Variants in PPM1F observed in about 807,000 individuals in gnomAD.
The protein encoded by PPM1F is protein phosphatase, Mg2+/Mn2+ dependent 1F, also known as protein phosphatase 1F.
A neutral mutation model predicts 35.5 loss-of-function variants in PPM1F; 17 were observed. The ratio of observed to expected loss-of-function variants is 0.48; its 90% CI spans 0.33 to 0.72. The LOEUF (loss-of-function observed/expected upper bound fraction) is 0.72. PPM1F is among the 30% of genes least tolerant of loss of function. The pLI is 0.02. For missense variants in PPM1F, 521 were observed against 613.0 expected (o/e 0.85, Z 1.59); for synonymous variants, 241 against 255.5 (o/e 0.94, Z 0.54).
At chr22:21,929,877 A>G (rs940442480) in intron 6 of PPM1F, among the ~76,000 whole-genome samples, 1 of 152,142 alleles carries the variant, frequency 6.6e-6, no homozygotes, top group Non-Finnish European at 1.5e-5. Flanking sequence ...TGGTGTCTCT[A>G]TGTGCTTTCC....
At chr22:21,938,539 C>T (rs1190766683) in intron 3 of PPM1F, 1 of 1,071,298 alleles carries the variant, frequency 9.3e-7, no homozygotes, top group African/African-American at 1.7e-5. Context: ...TCCTTTTCCC[C>T]GGATGCACGC....
At chr22:21,940,925 G>T (rs2070718407) in intron 2 of PPM1F, among the ~76,000 whole-genome samples, 1 of 152,178 alleles carries the variant, frequency 6.6e-6, no homozygotes, top group Admixed American at 6.5e-5. Flanking sequence ...TAGAGACAGG[G>T]TCTTGCTCTG....
At chr22:21,951,655 G>T (rs375763880) in intron 1 of PPM1F, 5 of 152,056 alleles carry the variant, frequency 3.3e-5, no homozygotes, top group African/African-American at 1.2e-4. Flanking sequence ...CCTTCAGGGG[G>T]TATCTTAAAG....
At chr22:21,938,551 T>C (rs985767160) in intron 3 of PPM1F, 2 of 1,070,290 alleles carry the variant, frequency 1.9e-6, no homozygotes, top group African/African-American at 3.5e-5. Context: ...GATGCACGCA[T>C]GCACTAGTAA....
At chr22:21,941,763 G>A (rs1395871394) in intron 2 of PPM1F, 6 of 152,426 alleles carry the variant, frequency 3.9e-5, no homozygotes, top group Admixed American at 2.0e-4. Context: ...AGGAGGCGTA[G>A]TGGGTAGAAA....
At chr22:21,925,151 T>G (rs2070496891) in intron 7 of PPM1F, 1 of 267,332 alleles carries the variant, frequency 3.7e-6, no homozygotes, top group South Asian at 1.7e-4. Flanking sequence ...CACCTCGGCC[T>G]CCCAAAGTGC....
chr22:21,925,828 C>T (rs1287450702), intron 6 of PPM1F, 166 bp from the exon 7 acceptor site: 1 of 515,340 alleles, frequency 1.9e-6, no homozygotes, highest in East Asian at 3.0e-5. Flanking sequence ...CGAGGCTCAT[C>T]AAAAACAGTG....
chr22:21,941,707 G>C (rs1206764831), intron 2 of PPM1F: 3 of 152,360 alleles, frequency 2.0e-5, no homozygotes, highest in African/African-American at 7.2e-5. Flanking sequence ...TAAGAAGTGA[G>C]ATTGGGTCAC....
intron 2 of PPM1F, among the ~76,000 whole-genome samples, chr22:21,940,398 G>A (rs915626326): frequency 6.6e-6 from 1 of 152,118 alleles, no homozygotes; most frequent in Non-Finnish European, 1.5e-5. Context: ...GCTTGAACCT[G>A]GGAGGTGGAG....
chr22:21,945,779 A>G, intron 2 of PPM1F, 64 bp downstream of exon 2: 1 of 1,525,768 alleles, frequency 6.6e-7, no homozygotes, highest in East Asian at 2.3e-5. Flanking sequence ...CAGCAGCCAC[A>G]TCCCTTGTCG....
intron 2 of PPM1F, chr22:21,942,689 C>T (rs1440440520): frequency 6.6e-6 from 1 of 152,316 alleles, no homozygotes; most frequent in Non-Finnish European, 1.5e-5. Flanking sequence ...GCTGTGGGGA[C>T]CCAGACAATG....
intron 1 of PPM1F, chr22:21,948,309 C>T (rs1271486920): frequency 8.2e-6 from 1 of 122,044 alleles, no homozygotes; most frequent in Non-Finnish European, 1.8e-5. Flanking sequence ...CCACCCCCCC[C>T]CCACCCCCCA....
rs530889290 is a variant in PPM1F at position 21,939,413 on chromosome 22, G to A, written c.355+119C>T. Reference sequence around the variant, plus strand: ...TTCTCTGCTCCTTGATTCTGCTGCCGTTGTGAGCGAGGGCCCCAGCACCCT... The same window carrying A: ...TTCTCTGCTCCTTGATTCTGCTGCCATTGTGAGCGAGGGCCCCAGCACCCT... On this transcript the variant is annotated intron_variant, in intron 3 of 7. Transcript: ENST00000263212. The surrounding 1 kb of genome is among the most constrained non-coding windows in gnomAD (Gnocchi z 5.1). The A allele has an allele frequency of 7.4e-6, 10 of 1,350,412 alleles. No individual in the cohort carries two copies. The East Asian group carries it at 9.4e-5, about 13-fold the overall frequency. The allele number at this position is 1,350,412 out of a possible 1,614,324, so 83.7% of individuals were successfully genotyped here.
chr22:21,935,496 A>C (rs2070648530), intron 3 of PPM1F: 1 of 152,208 alleles, frequency 6.6e-6, no homozygotes, highest in Non-Finnish European at 1.5e-5. Context: ...AAACTGGGTA[A>C]AGTATACATG....
At chr22:21,933,860 C>T (rs1411264423) in intron 4 of PPM1F, among the ~76,000 whole-genome samples, 164 bp downstream of exon 4, 1 of 152,222 alleles carries the variant, frequency 6.6e-6, no homozygotes, top group Admixed American at 6.5e-5. Flanking sequence ...TCATAACAGA[C>T]TCACACTGTT....
At chr22:21,927,766 G>A (rs912968614) in intron 6 of PPM1F, among the ~76,000 whole-genome samples, 14 of 152,060 alleles carry the variant, frequency 9.2e-5, no homozygotes, top group Non-Finnish European at 1.6e-4. Flanking sequence ...CCCCGGGCTC[G>A]CCCCTCTAAC....
intron 3 of PPM1F, chr22:21,934,443 A>G (rs2070634889): frequency 1.8e-6 from 1 of 554,778 alleles, no homozygotes; most frequent in African/African-American, 1.9e-5. Flanking sequence ...CCATCCCACC[A>G]TGGAGCAACT....
At chr22:21,938,287 G>A (rs1220004285) in intron 3 of PPM1F, 39 of 1,270,374 alleles carry the variant, frequency 3.1e-5, no homozygotes, top group Non-Finnish European at 3.2e-5. Flanking sequence ...CCCCCTTGGT[G>A]GGGCCGCAGA....
chr22:21,925,585 G>A lies in PPM1F; in HGVS notation c.969C>T (p.Ala323=), dbSNP rs60327076. ...GGCTCTCACCGATGGCTCTGGAGAC[G>A]GCCAGGGTCCCGTTGACTCTCCAGC... The part of the protein sequence containing the change: ...MDCWRVNGTL[A]VSRAIGDVFQ... The change falls in exon 7 of 8, where the codon GCC becomes GCT. Residue 323 remains alanine, a synonymous_variant. Coordinates refer to ENST00000263212, the MANE Select transcript of PPM1F (RefSeq NM_014634.4). The A allele has an allele frequency of 6.9e-5, 112 of 1,613,612 alleles. No individual in the cohort carries two copies. The Admixed American group carries it at 1.1e-3, about 16-fold the overall frequency.
Sources: allele counts gnomAD v4.1 joint callset (sites outside exome capture counted in the v4.1 genomes callset), GRCh38; gene constraint gnomAD v4.1.1; non-coding constraint Gnocchi (gnomAD v3.1); transcripts MANE v1.5; gene names NCBI Gene and HGNC (gene_info 2026-07-23, HGNC 2026-07-21).